The following CACNA2D1 variants were observed in gnomAD, a reference collection of about 807,000 sequenced individuals.
CACNA2D1 encodes voltage-dependent calcium channel subunit alpha-2/delta-1.
A neutral mutation model predicts 171.5 loss-of-function variants in CACNA2D1; 53 were observed. That is an observed-to-expected ratio of 0.31 (90% confidence interval 0.25 to 0.39). The LOEUF is 0.39. Among genes scored for constraint, CACNA2D1 ranks in the 10% least tolerant of loss-of-function variants. The probability of loss-of-function intolerance (pLI) is 1.00; values close to 1 mark genes in which losing one functional copy is unlikely to be tolerated. For synonymous variants in CACNA2D1, 442 were observed against 443.1 expected, an observed-to-expected ratio of 1.00 and a Z score of 0.03; for missense variants, 903 against 1,299.8, an observed-to-expected ratio of 0.69 and a Z score of 4.69.
intron 6 of CACNA2D1, among the ~76,000 whole-genome samples, chr7:82,085,986 C>T (rs188987629): frequency 5.9e-5 from 9 of 151,912 alleles, no homozygotes; most frequent in East Asian, 1.9e-4. Flanking sequence ...TCCCTTTACA[C>T]AAAAAAAGGC....
chr7:82,124,575 T>C (rs1387608634), intron 5 of CACNA2D1, among the ~76,000 whole-genome samples: 1 of 152,174 alleles, frequency 6.6e-6, no homozygotes, highest in Admixed American at 6.5e-5. Flanking sequence ...CTACTTCATT[T>C]ACACAGAGTG....
At chr7:82,293,228 A>AT (rs1563322533) in intron 3 of CACNA2D1, among the ~76,000 whole-genome samples, 1 of 151,132 alleles carries the variant, frequency 6.6e-6, no homozygotes, top group African/African-American at 2.4e-5. Context: ...GTATAATATC[A>AT]TTTTTTGAAG....
intron 1 of CACNA2D1, among the ~76,000 whole-genome samples, chr7:82,399,504 T>C (rs955643964): frequency 1.3e-5 from 2 of 151,842 alleles, no homozygotes; most frequent in Non-Finnish European, 2.9e-5. Flanking sequence ...TTTCACAAGA[T>C]AGTAAAACAA....
intron 7 of CACNA2D1, among the ~76,000 whole-genome samples, chr7:82,078,745 C>A (rs1369883788): frequency 6.6e-6 from 1 of 152,020 alleles, no homozygotes; most frequent in East Asian, 1.9e-4. Context: ...GTTCAATCAT[C>A]CCAAGTTACT....
intron 6 of CACNA2D1, among the ~76,000 whole-genome samples, chr7:82,101,522 A>AT (rs1487136494): frequency 6.6e-6 from 1 of 152,222 alleles, no homozygotes; most frequent in African/African-American, 2.4e-5. Flanking sequence ...TACTTTATTG[A>AT]TAAATTGAAA....
In CACNA2D1 at chr7:82,334,518, G is replaced by T. The variant is rs80186426; in HGVS notation, c.294+617C>A. Among the ~76,000 whole-genome samples, 133 of 152,194 alleles carry T rather than the reference G, an allele frequency of 8.7e-4. 1 individual carries two copies. In the East Asian group the frequency reaches 0.025, roughly 28 times the overall value. Reference sequence around the variant, plus strand: ...TGAATAAAATGAATTAAATCTAAGTGCAAACATACATATAAATCATACAAA... The same window carrying T: ...TGAATAAAATGAATTAAATCTAAGTTCAAACATACATATAAATCATACAAA... On this transcript the variant is annotated intron_variant, in intron 3 of 38. Transcript: ENST00000356860.
chr7:82,084,290 A>T (rs1810179718), intron 7 of CACNA2D1, among the ~76,000 whole-genome samples: 1 of 151,812 alleles, frequency 6.6e-6, no homozygotes, highest in African/African-American at 2.4e-5. Flanking sequence ...CATAAGAAAA[A>T]CTCTATTTTC....
intron 6 of CACNA2D1, among the ~76,000 whole-genome samples, chr7:82,092,540 CTTTTTTTTTTTTTTTT>C (rs71093360): frequency 9.7e-6 from 1 of 102,702 alleles, no homozygotes; most frequent in African/African-American, 4.5e-5. Context: ...GCCCAGCTAA[CTTTTTTTTTTTTTTTT>C]TTTTTTTTTG....
At chr7:82,157,453 A>G (rs1442759597) in intron 4 of CACNA2D1, among the ~76,000 whole-genome samples, 1 of 152,074 alleles carries the variant, frequency 6.6e-6, no homozygotes, top group East Asian at 1.9e-4. Context: ...CCACAAATAA[A>G]GACTTGTGAG....
intron 12 of CACNA2D1, chr7:82,030,032 C>T (rs935596201): frequency 6.6e-6 from 1 of 151,708 alleles, no homozygotes; most frequent in African/African-American, 2.4e-5. Context: ...TTGAATATAA[C>T]TTGATTTATT....
intron 1 of CACNA2D1, among the ~76,000 whole-genome samples, chr7:82,406,931 T>C (rs563257365): frequency 2.4e-4 from 37 of 152,358 alleles, no homozygotes; most frequent in African/African-American, 8.4e-4. Context: ...ATAACTATAA[T>C]GAATCAATGT....
chr7:82,125,368 T>C (rs927726009), intron 5 of CACNA2D1, among the ~76,000 whole-genome samples: 2 of 152,218 alleles, frequency 1.3e-5, no homozygotes, highest in African/African-American at 4.8e-5. Flanking sequence ...TAGCACAGTT[T>C]GCTGGCACAA....
chr7:82,218,120 G>C (rs949255170), intron 3 of CACNA2D1, among the ~76,000 whole-genome samples: 1 of 151,724 alleles, frequency 6.6e-6, no homozygotes, highest in Non-Finnish European at 1.5e-5. Flanking sequence ...ATTTTTAGTA[G>C]AGACGTGGTT....
intron 3 of CACNA2D1, among the ~76,000 whole-genome samples, chr7:82,257,824 C>A (rs529579772): frequency 2.5e-4 from 38 of 152,170 alleles, no homozygotes; most frequent in African/African-American, 8.9e-4. Context: ...AGAGAAGAAA[C>A]ATATTAGCTA....
chr7:81,965,549 A>C (rs991824602), intron 32 of CACNA2D1, 45 bp downstream of exon 32: 5 of 988,144 alleles, frequency 5.1e-6, no homozygotes, highest in Non-Finnish European at 8.2e-6. Flanking sequence ...TGATCCGGGA[A>C]ACACACTTTG....
intron 4 of CACNA2D1, among the ~76,000 whole-genome samples, chr7:82,138,270 C>T (rs1791915251): frequency 6.6e-6 from 1 of 152,022 alleles, no homozygotes; most frequent in South Asian, 2.1e-4. Flanking sequence ...AATATCACAG[C>T]ATATGAATCA....
chr7:82,005,329 G>A (rs1799011793), intron 18 of CACNA2D1, 94 bp downstream of exon 18: 2 of 796,554 alleles, frequency 2.5e-6, no homozygotes, highest in African/African-American at 1.7e-5. Flanking sequence ...GATATTTAGT[G>A]TTATACGGTA....
intron 3 of CACNA2D1, among the ~76,000 whole-genome samples, chr7:82,174,715 G>A (rs1291450892): frequency 1.3e-5 from 2 of 152,034 alleles, no homozygotes; most frequent in African/African-American, 2.4e-5. Context: ...ACTAAAAAAT[G>A]AAAAACAAAG....
chr7:81,956,550 A>G (rs1474803017), intron 38 of CACNA2D1, among the ~76,000 whole-genome samples: 1 of 152,134 alleles, frequency 6.6e-6, no homozygotes, highest in Non-Finnish European at 1.5e-5. Context: ...TAAAATGTGT[A>G]TATGAAGATA....
Sources: allele counts gnomAD v4.1 joint callset (sites outside exome capture counted in the v4.1 genomes callset), GRCh38; gene constraint gnomAD v4.1.1; transcripts MANE v1.5; gene names NCBI Gene and HGNC (gene_info 2026-07-23, HGNC 2026-07-21).